GPC6: variants seen among roughly 807,000 people sequenced by gnomAD.
GPC6 encodes glypican-6.
Under a neutral mutation model 55.2 loss-of-function variants are expected in GPC6, and 14 were observed. The observed-to-expected ratio is 0.25, with a 90% CI of 0.17 to 0.40. GPC6 has a LOEUF of 0.40. Among genes scored for constraint, GPC6 ranks in the 10% least tolerant of loss-of-function variants. GPC6 has a pLI of 1.00. For synonymous variants in GPC6, 278 were observed against 259.6 expected, an observed-to-expected ratio of 1.07 and a Z score of -0.68; for missense variants, 641 against 708.5, an observed-to-expected ratio of 0.90 and a Z score of 1.08.
intron 6 of GPC6, among the ~76,000 whole-genome samples, chr13:94,353,478 C>T (rs1374874973): frequency 6.6e-6 from 1 of 152,092 alleles, no homozygotes; most frequent in Non-Finnish European, 1.5e-5. Context: ...CAATCTGGAT[C>T]TAGGTCAGCA....
intron 2 of GPC6, among the ~76,000 whole-genome samples, chr13:93,696,707 C>T (rs928820716): frequency 1.3e-5 from 2 of 151,416 alleles, no homozygotes; most frequent in Non-Finnish European, 2.9e-5. Flanking sequence ...CTGCAACCTC[C>T]GCCCCACCGG....
chr13:94,252,320 A>G (rs1891375490), intron 4 of GPC6, among the ~76,000 whole-genome samples: 1 of 152,120 alleles, frequency 6.6e-6, no homozygotes, highest in African/African-American at 2.4e-5. Context: ...ATTAATTATG[A>G]TATTGAGTAA....
chr13:93,651,541 T>C (rs1433948449), intron 2 of GPC6, among the ~76,000 whole-genome samples: 1 of 152,114 alleles, frequency 6.6e-6, no homozygotes, highest in African/African-American at 2.4e-5. Flanking sequence ...CTGACTTAGA[T>C]TGTGCAGGTT....
chr13:94,033,916 GA>G (rs1282432899), intron 4 of GPC6, among the ~76,000 whole-genome samples: 1 of 152,004 alleles, frequency 6.6e-6, no homozygotes, highest in African/African-American at 2.4e-5. Context: ...TGAAATTGAG[GA>G]ACAAAAGCCA....
intron 2 of GPC6, among the ~76,000 whole-genome samples, chr13:93,678,336 T>C (rs1421267468): frequency 6.6e-6 from 1 of 152,172 alleles, no homozygotes; most frequent in Non-Finnish European, 1.5e-5. Context: ...TAATTCAGTA[T>C]TGATGTAGAC....
chr13:93,504,311 A>G (rs146273645), intron 1 of GPC6, among the ~76,000 whole-genome samples: 7 of 152,228 alleles, frequency 4.6e-5, no homozygotes, highest in African/African-American at 1.4e-4. Flanking sequence ...ATGCCTGATT[A>G]AATATGAGTT....
chr13:93,619,862 A>G (rs1461892917), intron 2 of GPC6, among the ~76,000 whole-genome samples: 1 of 151,900 alleles, frequency 6.6e-6, no homozygotes. Context: ...TTTTGTTTTC[A>G]TAGTATAGCA....
intron 6 of GPC6, among the ~76,000 whole-genome samples, chr13:94,310,427 T>C (rs1051634353): frequency 1.3e-5 from 2 of 152,194 alleles, no homozygotes; most frequent in Non-Finnish European, 2.9e-5. Flanking sequence ...GGGGTGGGGA[T>C]GGGTGGAATG....
At position 93,564,722 on chromosome 13, in the gene GPC6, TG is replaced by T. The variant is rs1875998604; in HGVS notation, c.319+19302del. ...GTGAATGACTGTGACATTTGGATGT[TG>T]CAGAGTTTCTTGTTAAGTATATTTT... On this transcript the variant is annotated intron_variant, in intron 2 of 8. Transcript: ENST00000377047. Among the ~76,000 whole-genome samples, 6 of 152,216 alleles carry T rather than the reference TG, an allele frequency of 3.9e-5. No homozygotes were observed. In the South Asian group the frequency reaches 1.2e-3, roughly 32 times the overall value.
chr13:93,838,780 C>A (rs1353020911), intron 3 of GPC6, among the ~76,000 whole-genome samples: 1 of 151,990 alleles, frequency 6.6e-6, no homozygotes, highest in African/African-American at 2.4e-5. Context: ...ACCGCAGAGA[C>A]CCTCCAGCTC....
intron 2 of GPC6, among the ~76,000 whole-genome samples, chr13:93,793,444 C>T (rs1479890315): frequency 6.6e-6 from 1 of 151,732 alleles, no homozygotes; most frequent in Non-Finnish European, 1.5e-5. Context: ...ATTTTAAAGC[C>T]CCTTGCCTTG....
intron 1 of GPC6, among the ~76,000 whole-genome samples, chr13:93,430,462 A>G (rs1877314325): frequency 6.6e-6 from 1 of 152,132 alleles, no homozygotes; most frequent in Non-Finnish European, 1.5e-5. Flanking sequence ...CCAAAGAAAA[A>G]GAGGAAATGA....
intron 1 of GPC6, among the ~76,000 whole-genome samples, chr13:93,536,206 A>T (rs150603675): frequency 6.6e-6 from 1 of 152,060 alleles, no homozygotes; most frequent in South Asian, 2.1e-4. Flanking sequence ...TCACTTTTTC[A>T]ATTTTTTACT....
chr13:94,239,161 T>C (rs1369746558), intron 4 of GPC6, among the ~76,000 whole-genome samples: 1 of 152,162 alleles, frequency 6.6e-6, no homozygotes, highest in Non-Finnish European at 1.5e-5. Context: ...ATTCTTCCTC[T>C]ACCTGTTTCC....
At chr13:94,290,140 A>AG (rs1874874880) in intron 5 of GPC6, among the ~76,000 whole-genome samples, 1 of 152,162 alleles carries the variant, frequency 6.6e-6, no homozygotes, top group Non-Finnish European at 1.5e-5. Flanking sequence ...TTAAAAGAAG[A>AG]GGCAAGGTGT....
chr13:94,375,521 A>G (rs1056505675), intron 6 of GPC6, among the ~76,000 whole-genome samples: 2 of 152,128 alleles, frequency 1.3e-5, no homozygotes, highest in African/African-American at 2.4e-5. Context: ...CTCTGAATAG[A>G]CCAATAACAG....
chr13:93,708,110 T>A (rs185809415), intron 2 of GPC6, among the ~76,000 whole-genome samples: 15 of 151,924 alleles, frequency 9.9e-5, no homozygotes. Flanking sequence ...CGGAAAACAT[T>A]ATAAATATTT....
intron 4 of GPC6, among the ~76,000 whole-genome samples, chr13:94,087,523 C>T (rs1268991630): frequency 2.0e-5 from 3 of 152,134 alleles, no homozygotes; most frequent in Non-Finnish European, 2.9e-5. Context: ...TATTAAGATC[C>T]CAATATGTTT....
chr13:94,146,452 C>T (rs1887567590), intron 4 of GPC6, among the ~76,000 whole-genome samples: 1 of 152,144 alleles, frequency 6.6e-6, no homozygotes, highest in South Asian at 2.1e-4. Context: ...CTTTTACCAA[C>T]TTGGGACTAT....
Sources: gnomAD v4.1 joint callset for allele counts (sites outside exome capture counted in the v4.1 genomes callset) on GRCh38, gnomAD v4.1.1 for gene constraint, MANE v1.5 for transcripts, NCBI Gene and HGNC (gene_info 2026-07-23, HGNC 2026-07-21) for gene names.